Variants in CPLX1 observed in about 807,000 individuals in gnomAD.
The protein encoded by CPLX1 is complexin-1.
Under a neutral mutation model 15.6 loss-of-function variants are expected in CPLX1, and 6 were observed. That is an observed-to-expected ratio of 0.39 (90% CI 0.21 to 0.76). The LOEUF (loss-of-function observed/expected upper bound fraction) is 0.76, where lower values mean the gene tolerates loss of function less well. Among genes scored for constraint, CPLX1 ranks in the 30% least tolerant of loss-of-function variants. The pLI is 0.43. For missense variants in CPLX1, 242 were observed against 188.6 expected (o/e 1.28, Z -1.66); for synonymous variants, 91 against 75.2 (o/e 1.21, Z -1.08).
intron 2 of CPLX1, among the ~76,000 whole-genome samples, chr4:811,592 G>T (rs974892466): frequency 1.3e-5 from 2 of 152,158 alleles, no homozygotes; most frequent in African/African-American, 4.8e-5. Flanking sequence ...ATATTTGCAT[G>T]ACTTGAACCC....
Position 824,482 on chromosome 4 carries a change from C to CGCTTCCTACCTCCTAGAGCCT in CPLX1, c.20_31+9dup, listed in dbSNP as rs1560248924. ...CTCAGCCCCTCCCCACCCCACCTCC[C>CGCTTCCTACCTCCTAGAGCCT]GCTTCCTACCTCCTAGAGCCTGCTT... On this transcript the variant is annotated intron_variant, in intron 2 of 3. Transcript: ENST00000304062. 5 of 1,612,384 alleles carry CGCTTCCTACCTCCTAGAGCCT rather than the reference C, an allele frequency of 3.1e-6. No individual in the cohort carries two copies. The highest frequency in any genetic ancestry group is 4.2e-6 in the Non-Finnish European group (5 of 1,179,350).
intron 3 of CPLX1, among the ~76,000 whole-genome samples, chr4:789,112 G>A (rs962085000): frequency 2.6e-5 from 4 of 152,212 alleles, no homozygotes; most frequent in Admixed American, 6.5e-5. Context: ...AGGTCACGCC[G>A]GACTTGGCCT....
intron 2 of CPLX1, among the ~76,000 whole-genome samples, chr4:805,664 C>T (rs1035159333): frequency 2.0e-5 from 3 of 152,210 alleles, no homozygotes; most frequent in Non-Finnish European, 4.4e-5. Context: ...CTGTTCATAG[C>T]AGCATTAACC....
At chr4:818,451 C>T (rs1746801412) in intron 2 of CPLX1, among the ~76,000 whole-genome samples, 1 of 152,262 alleles carries the variant, frequency 6.6e-6, no homozygotes, top group African/African-American at 2.4e-5. Context: ...TGCAATGCTC[C>T]CTCTGTTTTG....
At chr4:800,825 ATG>A (rs112615162) in intron 2 of CPLX1, among the ~76,000 whole-genome samples, 156 of 146,818 alleles carry the variant, frequency 1.1e-3, no homozygotes, top group African/African-American at 3.3e-3. Context: ...ATATAAATAT[ATG>A]TGTGTGTGTG....
chr4:800,731 AAAAATAT>A (rs1284222077), intron 2 of CPLX1, among the ~76,000 whole-genome samples: 7 of 68,112 alleles, frequency 1.0e-4, no homozygotes, highest in African/African-American at 3.6e-4. Flanking sequence ...TACTAAAAAA[AAAAATAT>A]ATATATATAT....
chr4:792,521 G>A lies in CPLX1; in HGVS notation c.119C>T (p.Ala40Val), dbSNP rs200282920. ...GCGCTCCTCCTCCGCCTGGCGCAGC[G>A]CCTCCTGCCGCTCCTCCTCCTTCTT... ...AAKKEEERQEALRQAEEERKA... is the reference protein window; with the variant it reads ...AAKKEEERQEVLRQAEEERKA... Residue 40 changes from alanine (A) to valine (V), a missense_variant, in exon 3 of 4, where the codon GCG becomes GTG. Ala to Val is a moderately conservative substitution (Grantham distance 64). Transcript: ENST00000304062. 12 of 1,613,146 alleles carry A rather than the reference G, an allele frequency of 7.4e-6. No homozygotes were observed. The East Asian group carries it at 1.6e-4, about 21-fold the overall frequency.
intron 2 of CPLX1, among the ~76,000 whole-genome samples, chr4:812,902 T>C (rs1426769181): frequency 1.3e-5 from 2 of 152,156 alleles, no homozygotes; most frequent in African/African-American, 4.8e-5. Context: ...CTGAGTTTTG[T>C]TTAAACATGA....
In CPLX1 at chr4:786,711, C is replaced by T. The variant is rs768875392; in HGVS notation, c.208-13G>A. ...TCTTGATGCCGTACTGCGGGGGAGG[C>T]GGGGGTCAGGGCGGGGGTCCCGGCG... On this transcript the variant is annotated splice_polypyrimidine_tract_variant and intron_variant, in intron 3 of 3. Transcript: ENST00000304062. 1 of 1,517,044 alleles carries T rather than the reference C, an allele frequency of 6.6e-7. No individual in the cohort carries two copies. Among genetic ancestry groups the T allele is most frequent in the South Asian group, 1.2e-5 (1 of 86,086 alleles). 94.0% of individuals were successfully genotyped at this position (1,517,044 alleles called of 1,614,324 possible).
chr4:824,085 C>T (rs113473410), intron 2 of CPLX1, among the ~76,000 whole-genome samples: 6 of 152,246 alleles, frequency 3.9e-5, no homozygotes, highest in African/African-American at 1.2e-4. Context: ...GCTCTCCCAC[C>T]GCTTGGCTCT....
At chr4:793,643 G>C (rs897926363) in intron 2 of CPLX1, among the ~76,000 whole-genome samples, 4 of 152,200 alleles carry the variant, frequency 2.6e-5, no homozygotes, top group Non-Finnish European at 5.9e-5. Context: ...ATAGCCCTCA[G>C]CGTTGCAGGG....
chr4:810,568 C>T (rs1252780675), intron 2 of CPLX1, among the ~76,000 whole-genome samples: 10 of 152,226 alleles, frequency 6.6e-5, no homozygotes, highest in Non-Finnish European at 1.3e-4. Flanking sequence ...GGCAGCATCT[C>T]GCTGTGGTGT....
At position 810,049 on chromosome 4, in the gene CPLX1, T is replaced by C. The variant is rs1227585376; in HGVS notation, c.31+14443A>G. Among the ~76,000 whole-genome samples the C allele has an allele frequency of 5.7e-5, 8 of 141,528 alleles. No homozygotes were observed. The East Asian group carries it at 1.6e-3, about 29-fold the overall frequency. 92.8% of individuals were successfully genotyped at this position (141,528 alleles called of 152,430 possible). On this transcript the variant is annotated intron_variant, in intron 2 of 3. Coordinates refer to ENST00000304062, the MANE Select transcript of CPLX1 (RefSeq NM_006651.4). ...ACGTCTGTGTGGATCTGCACTTTCT[T>C]TTTTTTTTTTTTTTTTTTGAGATGG...
At chr4:810,187 T>A (rs552632413) in intron 2 of CPLX1, among the ~76,000 whole-genome samples, 1 of 151,924 alleles carries the variant, frequency 6.6e-6, no homozygotes, top group African/African-American at 2.4e-5. Context: ...GTAGCTGGGA[T>A]TACAGGCGCC....
At chr4:810,026 G>A (rs931270102) in intron 2 of CPLX1, among the ~76,000 whole-genome samples, 17 of 150,838 alleles carry the variant, frequency 1.1e-4, no homozygotes, top group Non-Finnish European at 1.5e-4. Context: ...TCCTGCACAC[G>A]TCTGTGTGGA....
intron 2 of CPLX1, among the ~76,000 whole-genome samples, chr4:812,698 G>A (rs1389621275): frequency 1.3e-5 from 2 of 152,110 alleles, no homozygotes; most frequent in Non-Finnish European, 2.9e-5. Flanking sequence ...AGGCACGGTG[G>A]CTCACGCCTG....
chr4:809,139 G>A (rs1479971604), intron 2 of CPLX1, among the ~76,000 whole-genome samples: 3 of 152,256 alleles, frequency 2.0e-5, no homozygotes, highest in African/African-American at 7.2e-5. Flanking sequence ...GCAAAGTGAG[G>A]ATGGTTCAAT....
rs1478156057 is a variant in CPLX1, at chr4:816,250, ACT to A, written c.31+8240_31+8241del. On this transcript the variant is annotated intron_variant, in intron 2 of 3. Transcript: ENST00000304062. Reference sequence around the variant, plus strand: ...TTTTTTTTTTTTGAGACAGAGTCTCACTCTGTCACCCAGGCTGGAGTGCAGTG... The same window carrying A: ...TTTTTTTTTTTTGAGACAGAGTCTCACTGTCACCCAGGCTGGAGTGCAGTG... Among the ~76,000 whole-genome samples, 19 of 125,468 alleles carry A rather than the reference ACT, an allele frequency of 1.5e-4. 1 individual carries two copies. The highest frequency in any genetic ancestry group is 3.0e-4 in the Non-Finnish European group (19 of 63,150). The allele number at this position is 125,468 out of a possible 152,430, so 82.3% of individuals were successfully genotyped here.
At chr4:818,194 G>A (rs1191687140) in intron 2 of CPLX1, among the ~76,000 whole-genome samples, 7 of 152,344 alleles carry the variant, frequency 4.6e-5, no homozygotes, top group Non-Finnish European at 4.4e-5. Flanking sequence ...AGCCTGGTTC[G>A]CCCCAGCCCT....
Sources: gnomAD v4.1 joint callset for allele counts (sites outside exome capture counted in the v4.1 genomes callset) on GRCh38, gnomAD v4.1.1 for gene constraint, MANE v1.5 for transcripts, NCBI Gene and HGNC (gene_info 2026-07-23, HGNC 2026-07-21) for gene names.